Variants in FBN1 observed in about 807,000 individuals in gnomAD.
FBN1 encodes the protein fibrillin-1.
Under a neutral mutation model 365.1 loss-of-function variants are expected in FBN1, and 29 were observed. The observed-to-expected ratio is 0.08, with a 90% confidence interval of 0.06 to 0.11. The LOEUF (loss-of-function observed/expected upper bound fraction) is 0.11. Among genes scored for constraint, FBN1 ranks in the 10% least tolerant of loss-of-function variants. The pLI, the probability that FBN1 is intolerant of heterozygous loss-of-function variation, is 1.00. For missense variants in FBN1, 2,476 were observed against 3,703.2 expected, an observed-to-expected ratio of 0.67 and a Z score of 8.60; for synonymous variants, 1,210 against 1,270.5, an observed-to-expected ratio of 0.95 and a Z score of 1.01.
intron 64 of FBN1, among the ~76,000 whole-genome samples, chr15:48,414,975 T>G (rs2042890581): frequency 6.6e-6 from 1 of 152,176 alleles, no homozygotes; most frequent in Non-Finnish European, 1.5e-5. Flanking sequence ...TTTTTTGTTT[T>G]TCTTTTTTTA....
chr15:48,497,489 G>C, intron 18 of FBN1, 98 bp from the exon 19 acceptor site: 1 of 1,168,858 alleles, frequency 8.6e-7, no homozygotes, highest in Non-Finnish European at 1.2e-6. Context: ...ATGACCTTAG[G>C]AGCTACAGGA....
intron 35 of FBN1, among the ~76,000 whole-genome samples, chr15:48,471,100 T>G (rs1291752092): frequency 6.6e-6 from 1 of 151,946 alleles, no homozygotes; most frequent in Non-Finnish European, 1.5e-5. Flanking sequence ...TTTTAATCTA[T>G]CTATGTAGTC....
intron 2 of FBN1, chr15:48,644,061 G>GTTCTGC (rs953690115): frequency 1.3e-5 from 2 of 159,730 alleles, no homozygotes; most frequent in Admixed American, 1.2e-4. Flanking sequence ...CACTTGCCCT[G>GTTCTGC]TTCTGCTTCC....
rs747469043 is a variant in FBN1, at chr15:48,485,329, T to C, written c.3712+45A>G. 18 of 1,613,992 alleles carry C rather than the reference T, an allele frequency of 1.1e-5. No homozygotes were observed. In the South Asian group the frequency reaches 1.9e-4, roughly 17 times the overall value. On this transcript the variant is annotated intron_variant, in intron 30 of 65. Transcript: ENST00000316623. ...AGCCTGGGCCCTAAACTACTTTACT[T>C]AGGAACCTACTGAGAGATTCAACAT... is the stretch of plus-strand genomic sequence containing the variant.
intron 5 of FBN1, among the ~76,000 whole-genome samples, chr15:48,598,953 G>C (rs1597625042): frequency 6.6e-6 from 1 of 152,148 alleles, no homozygotes; most frequent in Non-Finnish European, 1.5e-5. Flanking sequence ...GTTATCATAA[G>C]GGGGAGTTTT....
intron 54 of FBN1, 73 bp from the exon 55 acceptor site, chr15:48,433,061 ACT>A: frequency 1.9e-6 from 3 of 1,561,282 alleles, no homozygotes; most frequent in Non-Finnish European, 2.6e-6. Context: ...TTGAACTAAA[ACT>A]CTAAAACTTT....
At chr15:48,592,408 G>C (rs1251065506) in intron 6 of FBN1, among the ~76,000 whole-genome samples, 1 of 152,154 alleles carries the variant, frequency 6.6e-6, no homozygotes, top group Non-Finnish European at 1.5e-5. Flanking sequence ...GAGGCAAGAT[G>C]GCAAGAGAAA....
At chr15:48,521,165 T>C (rs1487383563) in intron 9 of FBN1, among the ~76,000 whole-genome samples, 1 of 152,234 alleles carries the variant, frequency 6.6e-6, no homozygotes, top group African/African-American at 2.4e-5. Context: ...GTCTCTATGC[T>C]GAAGAGAGAC....
chr15:48,545,202 C>T (rs144655563), intron 6 of FBN1, among the ~76,000 whole-genome samples: 6 of 152,228 alleles, frequency 3.9e-5, no homozygotes, highest in African/African-American at 1.4e-4. Flanking sequence ...AGGAAAGGGT[C>T]TTATGATTAA....
At chr15:48,571,304 A>ATC (rs141931913) in intron 6 of FBN1, among the ~76,000 whole-genome samples, 2,103 of 152,316 alleles carry the variant, frequency 0.014, 47 homozygotes, top group African/African-American at 0.043. Flanking sequence ...ACCCTGGTAG[A>ATC]TCTGTCTTAG....
intron 60 of FBN1, among the ~76,000 whole-genome samples, chr15:48,422,943 CAAAAACA>C (rs911313744): frequency 2.6e-5 from 4 of 151,154 alleles, no homozygotes; most frequent in South Asian, 2.1e-4. Flanking sequence ...AAAACAAAAA[CAAAAACA>C]AAAAACAAAA....
At chr15:48,644,427 G>A (rs1160261044) in intron 2 of FBN1, 179 bp downstream of exon 2, 3 of 788,628 alleles carry the variant, frequency 3.8e-6, no homozygotes, top group Non-Finnish European at 6.2e-6. Context: ...GAAATCTCTG[G>A]GAGTAGGGGC....
At chr15:48,606,818 A>G (rs1037346320) in intron 4 of FBN1, among the ~76,000 whole-genome samples, 7 of 152,252 alleles carry the variant, frequency 4.6e-5, no homozygotes, top group South Asian at 4.1e-4. Context: ...TTGAAATTTA[A>G]TTATCATTGT....
chr15:48,454,376 G>T (rs2043223596), intron 44 of FBN1, among the ~76,000 whole-genome samples: 1 of 152,172 alleles, frequency 6.6e-6, no homozygotes, highest in Non-Finnish European at 1.5e-5. Context: ...AAACAGAAAA[G>T]ATTTTGGATA....
chr15:48,619,726 G>T (rs552991313), intron 2 of FBN1, among the ~76,000 whole-genome samples: 2 of 151,376 alleles, frequency 1.3e-5, no homozygotes, highest in South Asian at 4.2e-4. Flanking sequence ...CAACCCAAAG[G>T]TTTTTTTTAA....
intron 53 of FBN1, among the ~76,000 whole-genome samples, chr15:48,435,768 G>GTGTATATATATGTA (rs1427160695): frequency 9.0e-6 from 1 of 111,316 alleles, no homozygotes; most frequent in African/African-American, 4.1e-5. Context: ...ATATATATGT[G>GTGTATATATATGTA]TATATGTGTG....
At chr15:48,482,729 A>T (rs2043474755) in intron 31 of FBN1, among the ~76,000 whole-genome samples, 1 of 152,194 alleles carries the variant, frequency 6.6e-6, no homozygotes, top group Non-Finnish European at 1.5e-5. Context: ...ATGAGTAGTG[A>T]CCAGCACATT....
chr15:48,498,845 A>G, intron 18 of FBN1, 140 bp downstream of exon 18: 1 of 867,934 alleles, frequency 1.2e-6, no homozygotes, highest in Non-Finnish European at 2.0e-6. Context: ...GCTTCTGAGC[A>G]TCCCAGATAC....
At chr15:48,640,779 G>T (rs1232144334) in intron 2 of FBN1, among the ~76,000 whole-genome samples, 4 of 152,220 alleles carry the variant, frequency 2.6e-5, no homozygotes, top group African/African-American at 9.6e-5. Flanking sequence ...AGATCTCACT[G>T]TGAAGAACTT....
Sources: gnomAD v4.1 joint callset for allele counts (sites outside exome capture counted in the v4.1 genomes callset) on GRCh38, gnomAD v4.1.1 for gene constraint, MANE v1.5 for transcripts, NCBI Gene and HGNC (gene_info 2026-07-23, HGNC 2026-07-21) for gene names.